The following APPL2 variants were observed in gnomAD, a reference collection of about 807,000 sequenced individuals.
APPL2 encodes DCC-interacting protein 13-beta.
Under a neutral mutation model 92.7 loss-of-function variants are expected in APPL2, and 84 were observed. That is an observed-to-expected ratio of 0.91 (90% CI 0.76 to 1.09). The LOEUF is 1.09. Among genes scored for constraint, APPL2 ranks in the 50% least tolerant of loss-of-function variants. APPL2 has a pLI of 0.00. For missense variants in APPL2, 736 were observed against 824.5 expected, an observed-to-expected ratio of 0.89 and a Z score of 1.31; for synonymous variants, 291 against 291.0, an observed-to-expected ratio of 1.00 and a Z score of 0.00.
intron 1 of APPL2, among the ~76,000 whole-genome samples, chr12:105,229,444 C>A (rs968056543): frequency 6.6e-6 from 1 of 152,130 alleles, no homozygotes; most frequent in African/African-American, 2.4e-5. Flanking sequence ...AGTGTCAGGG[C>A]AATTTCAGAA....
intron 1 of APPL2, among the ~76,000 whole-genome samples, chr12:105,232,416 T>G (rs1170865120): frequency 6.6e-6 from 1 of 152,210 alleles, no homozygotes; most frequent in Non-Finnish European, 1.5e-5. Context: ...AGTGGCCCAA[T>G]GTTAACACCA....
intron 17 of APPL2, among the ~76,000 whole-genome samples, chr12:105,186,675 A>ATATAT (rs879431608): frequency 0.39 from 33,801 of 87,304 alleles, 4,986 homozygotes; most frequent in East Asian, 0.7. Context: ...CATATATATG[A>ATATAT]TATATCATAT....
rs1264121704 is a variant in APPL2, at chr12:105,207,956, G to A, written c.474+15C>T. On this transcript the variant is annotated intron_variant, in intron 7 of 20. Coordinates refer to ENST00000258530, the MANE Select transcript of APPL2 (RefSeq NM_018171.5). The stretch of plus-strand genomic sequence containing the variant: ...ATGTAAATGAAGTGAAAAACAACAT[G>A]TAAAGTATTCTTACCTTCTCATTCT... 1.0e-5 allele frequency: 16 copies of A among 1,606,570 alleles called. No individual in the cohort carries two copies. The highest frequency in any genetic ancestry group is 1.7e-5 in the Admixed American group (1 of 59,992).
At chr12:105,177,431 T>TA in intron 17 of APPL2, 169 bp from the exon 18 acceptor site, 1 of 651,668 alleles carries the variant, frequency 1.5e-6, no homozygotes, top group Non-Finnish European at 2.7e-6. Flanking sequence ...TTTCTGCCTT[T>TA]AAGGAACCTG....
chr12:105,224,754 G>C (rs1168336576), intron 2 of APPL2, among the ~76,000 whole-genome samples: 1 of 152,150 alleles, frequency 6.6e-6, no homozygotes, highest in African/African-American at 2.4e-5. Context: ...CTGCCTCCTA[G>C]GTGCTTCTCC....
chr12:105,185,493 A>G (rs918552927), intron 17 of APPL2, among the ~76,000 whole-genome samples: 3 of 151,984 alleles, frequency 2.0e-5, no homozygotes, highest in Non-Finnish European at 4.4e-5. Flanking sequence ...TCCCTTGGCT[A>G]GGGGAGGGAG....
rs187134818 is a variant in APPL2 at position 105,225,618 on chromosome 12, T to G, written c.153+3507A>C. 1.3e-3 allele frequency among the ~76,000 whole-genome samples: 194 copies of G among 152,350 alleles called. 2 individuals carry two copies. The highest frequency in any genetic ancestry group is 0.013 in the Admixed American group (192 of 15,306). ...AGACTGTTCTAAGTAACCAGGCTCT[T>G]CTCTGTTAATGCACTGGAAAGGTAC... On this transcript the variant is annotated intron_variant, in intron 2 of 20. Transcript: ENST00000258530.
In APPL2 at chr12:105,199,541, G is replaced by A. The variant is rs1231793502; in HGVS notation, c.705-10C>T. The stretch of plus-strand genomic sequence containing the variant: ...CAGTTCTACCTGAATGCTTAAGACA[G>A]AAGGTGTTGGGTCAGTTACTCACTG... On this transcript the variant is annotated splice_polypyrimidine_tract_variant and intron_variant, in intron 9 of 20. Transcript: ENST00000258530. The A allele has an allele frequency of 6.2e-7, 1 of 1,612,376 alleles. No homozygotes were observed. The highest frequency in any genetic ancestry group is 8.5e-7 in the Non-Finnish European group (1 of 1,179,274).
At chr12:105,186,569 T>G (rs1421753654) in intron 17 of APPL2, among the ~76,000 whole-genome samples, 2 of 150,550 alleles carry the variant, frequency 1.3e-5, no homozygotes, top group Non-Finnish European at 3.0e-5. Flanking sequence ...GGGTTCCAGT[T>G]TCTTCACATC....
intron 9 of APPL2, among the ~76,000 whole-genome samples, chr12:105,202,883 T>G (rs554869571): frequency 6.6e-6 from 1 of 152,308 alleles, no homozygotes; most frequent in East Asian, 1.9e-4. Context: ...CTAGATCAAT[T>G]CCCTTGTTTA....
intron 8 of APPL2, among the ~76,000 whole-genome samples, chr12:105,204,327 G>A (rs935900793): frequency 2.0e-5 from 3 of 152,160 alleles, no homozygotes; most frequent in African/African-American, 4.8e-5. Context: ...AACCCGGCTC[G>A]TCTGTCTGAC....
chr12:105,235,166 T>A (rs112828550), intron 1 of APPL2: 132 of 152,262 alleles, frequency 8.7e-4, no homozygotes, highest in African/African-American at 3.1e-3. Flanking sequence ...GGAGTGTAGG[T>A]ACGAAGCTGG....
At chr12:105,226,566 A>C (rs1437658457) in intron 2 of APPL2, among the ~76,000 whole-genome samples, 1 of 152,238 alleles carries the variant, frequency 6.6e-6, no homozygotes, top group Non-Finnish European at 1.5e-5. Context: ...TCTGACAGAC[A>C]CCGAAAGGCA....
At position 105,214,770 on chromosome 12, in the gene APPL2, G is replaced by A. The variant is rs567684450; in HGVS notation, c.285+2299C>T. ...ATGAGGCAACTCCTGGTGGCCTCCAGGATAGGGGCTGGTCACCAGAAACAC... is the reference window on the plus strand; with the variant it reads ...ATGAGGCAACTCCTGGTGGCCTCCAAGATAGGGGCTGGTCACCAGAAACAC... On this transcript the variant is annotated intron_variant, in intron 4 of 20. Transcript: ENST00000258530. Among the ~76,000 whole-genome samples the A allele has an allele frequency of 3.7e-4, 56 of 151,984 alleles. 2 individuals are homozygous for A. Among genetic ancestry groups the A allele is most frequent in the Admixed American group, 1.3e-3 (20 of 15,260 alleles).
At chr12:105,221,264 A>G (rs1890081592) in intron 2 of APPL2, among the ~76,000 whole-genome samples, 1 of 152,238 alleles carries the variant, frequency 6.6e-6, no homozygotes, top group East Asian at 1.9e-4. Flanking sequence ...CAATAAAGAT[A>G]GCTGCTAACC....
chr12:105,186,667 T>TATATC (rs1886708024), intron 17 of APPL2, among the ~76,000 whole-genome samples: 33 of 33,146 alleles, frequency 1.0e-3, no homozygotes, highest in African/African-American at 1.7e-3. Context: ...ATATATATCA[T>TATATC]ATATATGATA....
chr12:105,180,159 A>T (rs1463914863), intron 17 of APPL2, among the ~76,000 whole-genome samples: 2 of 152,162 alleles, frequency 1.3e-5, no homozygotes. Context: ...ATAAGGTGTT[A>T]AGAGGAAGGG....
chr12:105,229,002 G>T, intron 2 of APPL2, 123 bp downstream of exon 2: 1 of 822,444 alleles, frequency 1.2e-6, no homozygotes, highest in Non-Finnish European at 1.9e-6. Context: ...AAACAGTTCT[G>T]ATTTTGTTTC....
chr12:105,183,934 T>A (rs184467879), intron 17 of APPL2, among the ~76,000 whole-genome samples: 5 of 152,368 alleles, frequency 3.3e-5, no homozygotes, highest in African/African-American at 1.2e-4. Context: ...AGTCCCATAT[T>A]TCTTAGAGGC....
Sources: gnomAD v4.1 joint callset for allele counts (sites outside exome capture counted in the v4.1 genomes callset) on GRCh38, gnomAD v4.1.1 for gene constraint, MANE v1.5 for transcripts, NCBI Gene and HGNC (gene_info 2026-07-23, HGNC 2026-07-21) for gene names.